Variants in PTMS observed in about 807,000 individuals in gnomAD.
The protein encoded by PTMS is parathymosin.
In PTMS, 5 loss-of-function variants were observed where a neutral mutation model predicts 18.4. That is an observed-to-expected ratio of 0.27 (90% CI 0.14 to 0.57). PTMS has a LOEUF of 0.57. Ranked by LOEUF, PTMS falls within the 20% of genes least tolerant of loss-of-function variation. The probability of loss-of-function intolerance (pLI) is 0.92; values close to 1 mark genes in which losing one functional copy is unlikely to be tolerated. For missense variants in PTMS, 93 were observed against 124.6 expected (o/e 0.75, Z 1.21); for synonymous variants, 53 against 47.7 (o/e 1.11, Z -0.46).
rs1181454169 is a variant in PTMS at position 6,770,149 on chromosome 12, C to A, written c.197-8C>A. On this transcript the variant is annotated splice_polypyrimidine_tract_variant and splice_region_variant and intron_variant, in intron 3 of 4. Coordinates refer to ENST00000309083, the MANE Select transcript of PTMS (RefSeq NM_002824.6). The surrounding 1 kb of genome is among the most constrained non-coding windows in gnomAD (Gnocchi z 7.3). ...CCCTTCCCCAATGACCCATTTCTGG[C>A]TCCTCAGATGAGGAAGAAGAAGAAG... 1 of 1,613,920 alleles carries A rather than the reference C, an allele frequency of 6.2e-7. No homozygotes were observed. The highest frequency in any genetic ancestry group is 8.5e-7 in the Non-Finnish European group (1 of 1,179,952).
rs1264574320 is a variant in PTMS at position 6,769,939 on chromosome 12, G to A, written c.136G>A (p.Glu46Lys). Residue 46 changes from glutamate (E) to lysine (K), a missense_variant, in exon 3 of 5, where the codon GAG (glutamate) becomes AAG (lysine). Glu to Lys is a moderately conservative substitution (Grantham distance 56, BLOSUM62 1). Transcript: ENST00000309083. ...CCCACAGGAGGAGGAGAACGGGGCT[G>A]AGGAGGAAGAAGAAGAAACTGCCGA... ...EVVEEEENGAEEEEEETAEDG... is the reference protein window; with the variant it reads ...EVVEEEENGAKEEEEETAEDG... 3 of 1,555,770 alleles carry A rather than the reference G, an allele frequency of 1.9e-6. No homozygotes were observed. Among genetic ancestry groups the A allele is most frequent in the Non-Finnish European group, 2.6e-6 (3 of 1,149,114 alleles).
chr12:6,767,717 C>G (rs1287655324), intron 1 of PTMS, among the ~76,000 whole-genome samples: 1 of 151,630 alleles, frequency 6.6e-6, no homozygotes, highest in South Asian at 2.1e-4. Flanking sequence ...TGTGTGCGAT[C>G]TGCCAAGGTG....
At chr12:6,769,505 C>G (rs1463578171) in intron 1 of PTMS, 98 bp from the exon 2 acceptor site, 2 of 1,319,534 alleles carry the variant, frequency 1.5e-6, no homozygotes, top group Non-Finnish European at 2.2e-6. Context: ...TCAGTTCACA[C>G]ACCTCTAAGC....
rs561207755 is a variant in PTMS, at chr12:6,767,657, CG to C, written c.45+909del. ...GTCACACAGGTCTCCCGGAGGCCCG[CG>C]GAGTGAAACGGGGGGAGCCAATGGG... On this transcript the variant is annotated intron_variant, in intron 1 of 4. Transcript: ENST00000309083. Among the ~76,000 whole-genome samples the C allele has an allele frequency of 1.8e-3, 239 of 133,662 alleles. 1 individual carries two copies. Among genetic ancestry groups the C allele is most frequent in the African/African-American group, 5.7e-3 (203 of 35,764 alleles). 87.7% of individuals were successfully genotyped at this position (133,662 alleles called of 152,430 possible). A position where few individuals can be genotyped will look rare whatever the true frequency, so the allele number is the denominator to read the frequency against.
intron 1 of PTMS, chr12:6,767,419 A>G (rs1036226784): frequency 2.0e-5 from 3 of 152,140 alleles, no homozygotes; most frequent in Non-Finnish European, 2.9e-5. Flanking sequence ...ATTGCATGGC[A>G]TTGCGTCGAG....
At chr12:6,767,552 G>T (rs1021148412) in intron 1 of PTMS, 2 of 150,226 alleles carry the variant, frequency 1.3e-5, no homozygotes, top group African/African-American at 2.5e-5. Context: ...TAACGCGGCC[G>T]GGGTTTGGGG....
chr12:6,770,371 C>T lies in PTMS; in HGVS notation c.259-21C>T. 3 of 1,613,680 alleles carry T rather than the reference C, an allele frequency of 1.9e-6. No homozygotes were observed. Among genetic ancestry groups the T allele is most frequent in the Admixed American group, 1.7e-5 (1 of 60,010 alleles). On this transcript the variant is annotated intron_variant, in intron 4 of 4. Transcript: ENST00000309083. The surrounding 1 kb of genome is among the most constrained non-coding windows in gnomAD (Gnocchi z 7.3). ...TCTCCCCTCCCATTTTACAGCTCCC[C>T]CATTCTCTCCCTCTCCACAGGATGA...
Position 6,770,145 on chromosome 12 carries a change from C to T in PTMS, c.197-12C>T, listed in dbSNP as rs1430799490. ...CCTGCCCTTCCCCAATGACCCATTT[C>T]TGGCTCCTCAGATGAGGAAGAAGAA... On this transcript the variant is annotated splice_polypyrimidine_tract_variant and intron_variant, in intron 3 of 4. Coordinates refer to ENST00000309083, the MANE Select transcript of PTMS (RefSeq NM_002824.6). This position sits in a 1 kb window ranked among gnomAD's most constrained non-coding sequence, Gnocchi z 7.3. The T allele has an allele frequency of 6.2e-7, 1 of 1,613,826 alleles. No homozygotes were observed. The highest frequency in any genetic ancestry group is 8.5e-7 in the Non-Finnish European group (1 of 1,179,968).
In PTMS at chr12:6,769,618, AAGGAGAAGGTGG is replaced by A. The variant is rs1227891482; in HGVS notation, c.71_82del (p.Val24_Lys27del). ...TCCTTTGCAGGACCTGAAGGAGAAGAAGGAGAAGGTGGAGGAGAAGGCAAGCCGGAAAGAGCG... is the reference window on the plus strand; with the variant it reads ...TCCTTTGCAGGACCTGAAGGAGAAGAAGGAGAAGGCAAGCCGGAAAGAGCG... On this transcript the variant is annotated inframe_deletion, in exon 2 of 5. Transcript: ENST00000309083. 5 of 1,613,996 alleles carry A rather than the reference AAGGAGAAGGTGG, an allele frequency of 3.1e-6. No individual in the cohort carries two copies. The highest frequency in any genetic ancestry group is 2.2e-5 in the East Asian group (1 of 44,894).
chr12:6,768,844 TTTGTTGCTCTCTCC>T (rs1426333668), intron 1 of PTMS, among the ~76,000 whole-genome samples: 1 of 152,110 alleles, frequency 6.6e-6, no homozygotes, highest in Non-Finnish European at 1.5e-5. Context: ...ACAGACCTTG[TTTGTTGCTCTCTCC>T]TTGTTTCCCA....
intron 1 of PTMS, 21 bp from the exon 2 acceptor site, chr12:6,769,580 GGT>G (rs1941811208): frequency 3.7e-6 from 6 of 1,613,744 alleles, no homozygotes; most frequent in Non-Finnish European, 5.1e-6. Context: ...TGGTGAGAAA[GGT>G]GACCTCTTTC....
chr12:6,770,126 C>T lies in PTMS; in HGVS notation c.197-31C>T. ...GGGGGCTCTGCCAGAGCTTCCTGCCCTTCCCCAATGACCCATTTCTGGCTC... is the reference window on the plus strand; with the variant it reads ...GGGGGCTCTGCCAGAGCTTCCTGCCTTTCCCCAATGACCCATTTCTGGCTC... On this transcript the variant is annotated intron_variant, in intron 3 of 4. Coordinates refer to ENST00000309083, the MANE Select transcript of PTMS (RefSeq NM_002824.6). This position sits in a 1 kb window ranked among gnomAD's most constrained non-coding sequence, Gnocchi z 7.3. 1 of 1,613,688 alleles carries T rather than the reference C, an allele frequency of 6.2e-7. No homozygotes were observed.
chr12:6,768,795 T>C (rs1941802605), intron 1 of PTMS, among the ~76,000 whole-genome samples: 1 of 152,160 alleles, frequency 6.6e-6, no homozygotes, highest in African/African-American at 2.4e-5. Flanking sequence ...TCTCCTAGAC[T>C]GGTCCCTCCC....
In PTMS at chr12:6,770,341, G is replaced by A; in HGVS notation, c.259-51G>A. The A allele has an allele frequency of 6.2e-7, 1 of 1,610,444 alleles. No homozygotes were observed. Among genetic ancestry groups the A allele is most frequent in the Non-Finnish European group, 8.5e-7 (1 of 1,176,750 alleles). On this transcript the variant is annotated intron_variant, in intron 4 of 4. Transcript: ENST00000309083. The surrounding 1 kb of genome is among the most constrained non-coding windows in gnomAD (Gnocchi z 7.3). The stretch of plus-strand genomic sequence containing the variant: ...GGGCTGGAACAGGACCGGGACAGGG[G>A]GAGGTCTCCCCTCCCATTTTACAGC...
chr12:6,769,887 A>C (rs776748371), intron 2 of PTMS, 34 bp from the exon 3 acceptor site: 4 of 1,577,166 alleles, frequency 2.5e-6, no homozygotes, highest in Admixed American at 3.7e-5. Flanking sequence ...GCATGCAGCC[A>C]GCCTGAGGCT....
chr12:6,770,099 A>T lies in PTMS; in HGVS notation c.197-58A>T. The T allele has an allele frequency of 6.2e-7, 1 of 1,612,176 alleles. No homozygotes were observed. Among genetic ancestry groups the T allele is most frequent in the South Asian group, 1.1e-5 (1 of 90,822 alleles). ...ACCTGAAGCAGGGCTGAGGGCGACC[A>T]CGGGGGCTCTGCCAGAGCTTCCTGC... On this transcript the variant is annotated intron_variant, in intron 3 of 4. Coordinates refer to ENST00000309083, the MANE Select transcript of PTMS (RefSeq NM_002824.6). The surrounding 1 kb of genome is among the most constrained non-coding windows in gnomAD (Gnocchi z 7.3).
Position 6,766,726 on chromosome 12 carries a change from G to A in PTMS, c.21G>A (p.Glu7=), listed in dbSNP as rs2137797186. MSEKSV[E]AAAELSAKDL... Reference sequence around the variant, plus strand: ...GCACCATGTCGGAGAAAAGCGTGGAGGCAGCGGCCGAGTTGAGCGCCAAGG... The same window carrying A: ...GCACCATGTCGGAGAAAAGCGTGGAAGCAGCGGCCGAGTTGAGCGCCAAGG... Residue 7 remains glutamate (E), a synonymous_variant, in exon 1 of 5, where the codon GAG becomes GAA. Transcript: ENST00000309083. 9.0e-7 allele frequency: 1 copy of A among 1,111,044 alleles called. No individual in the cohort carries two copies. Among genetic ancestry groups the A allele is most frequent in the Non-Finnish European group, 1.1e-6 (1 of 911,430 alleles). The allele number at this position is 1,111,044 out of a possible 1,614,324, so 68.8% of individuals were successfully genotyped here.
rs1941822044 is a variant in PTMS, at chr12:6,770,354, C to T, written c.259-38C>T. 1 of 1,612,830 alleles carries T rather than the reference C, an allele frequency of 6.2e-7. No individual in the cohort carries two copies. ...ACCGGGACAGGGGGAGGTCTCCCCTCCCATTTTACAGCTCCCCCATTCTCT... is the reference window on the plus strand; with the variant it reads ...ACCGGGACAGGGGGAGGTCTCCCCTTCCATTTTACAGCTCCCCCATTCTCT... On this transcript the variant is annotated intron_variant, in intron 4 of 4. Coordinates refer to ENST00000309083, the MANE Select transcript of PTMS (RefSeq NM_002824.6). This position sits in a 1 kb window ranked among gnomAD's most constrained non-coding sequence, Gnocchi z 7.3.
chr12:6,770,191 C>A lies in PTMS; in HGVS notation c.231C>A (p.Pro77=), dbSNP rs375055205. The A allele has an allele frequency of 3.7e-6, 6 of 1,614,008 alleles. No individual in the cohort carries two copies. Among genetic ancestry groups the A allele is most frequent in the Non-Finnish European group, 5.1e-6 (6 of 1,180,018 alleles). Residue 77 remains proline, a synonymous_variant, in exon 4 of 5, where the codon CCC becomes CCA. Transcript: ENST00000309083. The surrounding 1 kb of genome is among the most constrained non-coding windows in gnomAD (Gnocchi z 7.3). ...EEEEEEDDEG[P]ALKRAAEEED... The stretch of plus-strand genomic sequence containing the variant: ...AAGAAGAAGAGGATGATGAAGGGCC[C>A]GCGCTGAAGAGAGCTGCCGAAGAGG...
Sources: gnomAD v4.1 joint callset for allele counts (sites outside exome capture counted in the v4.1 genomes callset) on GRCh38, gnomAD v4.1.1 for gene constraint, Gnocchi (gnomAD v3.1) non-coding constraint, MANE v1.5 for transcripts, NCBI Gene and HGNC (gene_info 2026-07-23, HGNC 2026-07-21) for gene names.